The following SUGCT variants were observed in gnomAD, a reference collection of about 807,000 sequenced individuals.
The protein encoded by SUGCT is succinyl-CoA:glutarate CoA-transferase.
A neutral mutation model predicts 55.0 loss-of-function variants in SUGCT; 41 were observed. That is an observed-to-expected ratio of 0.74 (90% confidence interval 0.58 to 0.97). The LOEUF is 0.97. Among genes scored for constraint, SUGCT ranks in the 50% least tolerant of loss-of-function variants. The pLI, the probability that SUGCT is intolerant of heterozygous loss-of-function variation, is 0.00. For missense variants in SUGCT, 568 were observed against 547.8 expected (o/e 1.04, Z -0.37); for synonymous variants, 187 against 200.4 (o/e 0.93, Z 0.56).
At chr7:40,670,014 A>G (rs1407687027) in intron 12 of SUGCT, among the ~76,000 whole-genome samples, 1 of 151,706 alleles carries the variant, frequency 6.6e-6, no homozygotes, top group Non-Finnish European at 1.5e-5. Context: ...ACTAAAAACT[A>G]AAGACACAGA....
chr7:40,729,893 AT>A (rs2128694258), intron 12 of SUGCT, among the ~76,000 whole-genome samples: 1 of 152,310 alleles, frequency 6.6e-6, no homozygotes, highest in Admixed American at 6.5e-5. Context: ...TTTCATGGAA[AT>A]TCATAAATCC....
chr7:40,898,134 A>C, the SUGCT span, among the ~76,000 whole-genome samples: 1 of 151,836 alleles, frequency 6.6e-6, no homozygotes, highest in South Asian at 2.1e-4. Flanking sequence ...TGAAGCCAGC[A>C]AGACCACCAG....
chr7:40,194,989 T>C lies in SUGCT; in HGVS notation c.413T>C (p.Leu138Pro), dbSNP rs375671389. ...GTGGAAAACTATGTCCCTGGCAAACTGTCTGCAATGGGCCTGGGATATGAA... is the reference window on the plus strand; with the variant it reads ...GTGGAAAACTATGTCCCTGGCAAACCGTCTGCAATGGGCCTGGGATATGAA... Reference protein sequence around the residue: ...VFVENYVPGKLSAMGLGYEDI... With the variant: ...VFVENYVPGKPSAMGLGYEDI... Residue 138 changes from leucine (L) to proline (P), a missense_variant, in exon 6 of 14, where the codon CTG becomes CCG. Physicochemically the swap from Leu to Pro is moderately conservative, Grantham distance 98 (BLOSUM62 -3). Transcript: ENST00000335693. 3.7e-6 allele frequency: 6 copies of C among 1,613,940 alleles called. No homozygotes were observed. The African/African-American group carries it at 6.7e-5, about 18-fold the overall frequency.
intron 12 of SUGCT, among the ~76,000 whole-genome samples, chr7:40,504,353 C>G (rs372010569): frequency 6.6e-6 from 1 of 152,278 alleles, no homozygotes. Flanking sequence ...CTATGTTGCC[C>G]AGGCTGGTCT....
the SUGCT span, among the ~76,000 whole-genome samples, chr7:40,876,746 C>A: frequency 6.6e-6 from 1 of 151,938 alleles, no homozygotes; most frequent in Non-Finnish European, 1.5e-5. Flanking sequence ...CTGGTGGAGG[C>A]CTTTGGGGTG....
At chr7:40,518,135 T>C (rs1046553408) in intron 12 of SUGCT, among the ~76,000 whole-genome samples, 3 of 152,026 alleles carry the variant, frequency 2.0e-5, no homozygotes, top group Non-Finnish European at 4.4e-5. Context: ...ATAGTATATA[T>C]ATGAAGAAAA....
At chr7:40,911,718 CA>C in the SUGCT span, among the ~76,000 whole-genome samples, 2 of 152,140 alleles carry the variant, frequency 1.3e-5, no homozygotes, top group African/African-American at 4.8e-5. Flanking sequence ...CAATTAGTGA[CA>C]ACCAAAAATG....
chr7:40,346,682 C>T (rs1320439332), intron 9 of SUGCT, among the ~76,000 whole-genome samples: 2 of 152,164 alleles, frequency 1.3e-5, no homozygotes, highest in Non-Finnish European at 1.5e-5. Flanking sequence ...CCAAAATTCA[C>T]ATACTGTAGC....
At chr7:40,839,867 G>A (rs1441350239) in intron 13 of SUGCT, among the ~76,000 whole-genome samples, 4 of 152,088 alleles carry the variant, frequency 2.6e-5, no homozygotes, top group African/African-American at 9.7e-5. Context: ...GACCAGTGAT[G>A]TGCCAGTGAA....
At chr7:40,932,187 T>C in the SUGCT span, among the ~76,000 whole-genome samples, 2 of 152,190 alleles carry the variant, frequency 1.3e-5, no homozygotes, top group Admixed American at 6.5e-5. Context: ...ATTTACCCAG[T>C]AGTCATTCAG....
At chr7:40,491,526 AT>A (rs1187877672) in intron 11 of SUGCT, among the ~76,000 whole-genome samples, 1 of 152,194 alleles carries the variant, frequency 6.6e-6, no homozygotes, top group African/African-American at 2.4e-5. Flanking sequence ...GAATGGAATT[AT>A]CCTATGATAC....
At chr7:40,639,373 T>C (rs1800161947) in intron 12 of SUGCT, among the ~76,000 whole-genome samples, 1 of 152,240 alleles carries the variant, frequency 6.6e-6, no homozygotes, top group African/African-American at 2.4e-5. Context: ...TCACAGCAGA[T>C]GAACTTGAGT....
intron 7 of SUGCT, among the ~76,000 whole-genome samples, chr7:40,248,860 T>C (rs1049586969): frequency 6.6e-6 from 1 of 151,916 alleles, no homozygotes; most frequent in African/African-American, 2.4e-5. Flanking sequence ...AGTAGAGATG[T>C]GGCTCTTTCC....
intron 9 of SUGCT, among the ~76,000 whole-genome samples, chr7:40,329,367 T>C (rs1796186267): frequency 6.6e-6 from 1 of 152,186 alleles, no homozygotes; most frequent in South Asian, 2.1e-4. Flanking sequence ...TTCTTAAGTT[T>C]GCTTCTGGCA....
intron 1 of SUGCT, among the ~76,000 whole-genome samples, chr7:40,177,475 C>A (rs752419301): frequency 9.2e-5 from 14 of 152,060 alleles, no homozygotes; most frequent in Non-Finnish European, 1.8e-4. Context: ...TTTTTCCTTG[C>A]TAAATTAAAC....
chr7:40,959,738 A>G, the SUGCT span, among the ~76,000 whole-genome samples: 3 of 151,002 alleles, frequency 2.0e-5, no homozygotes, highest in African/African-American at 7.3e-5. Context: ...AAACTCCTAC[A>G]GCTAGCTTGG....
At chr7:40,870,842 G>A in the SUGCT span, among the ~76,000 whole-genome samples, 1 of 151,630 alleles carries the variant, frequency 6.6e-6, no homozygotes, top group Non-Finnish European at 1.5e-5. Flanking sequence ...TTATTTTGTG[G>A]GTTATCATTT....
Position 40,330,718 on chromosome 7 carries a change from G to A in SUGCT, c.816+13863G>A, listed in dbSNP as rs143659308. ...TTATTTACTTTATATCACTAAATGC[G>A]TGGCAAATACTTGGTTTGGGTAATT... On this transcript the variant is annotated intron_variant, in intron 9 of 13. Transcript: ENST00000335693. Among the ~76,000 whole-genome samples the A allele has an allele frequency of 7.7e-4, 117 of 152,112 alleles. 1 individual carries two copies. Among genetic ancestry groups the A allele is most frequent in the Non-Finnish European group, 1.3e-3 (91 of 67,996 alleles).
chr7:40,203,252 G>A (rs1786719641), intron 6 of SUGCT, among the ~76,000 whole-genome samples: 1 of 152,200 alleles, frequency 6.6e-6, no homozygotes, highest in South Asian at 2.1e-4. Context: ...TAAGCTAATG[G>A]CAGCAAAACT....
Sources: allele counts gnomAD v4.1 joint callset (sites outside exome capture counted in the v4.1 genomes callset), GRCh38; gene constraint gnomAD v4.1.1; transcripts MANE v1.5; gene names NCBI Gene and HGNC (gene_info 2026-07-23, HGNC 2026-07-21).